The following FGF12 variants were observed in gnomAD, a reference collection of about 807,000 sequenced individuals.
The protein encoded by FGF12 is fibroblast growth factor 12B.
FGF12 carries 14 observed loss-of-function variants against 23.6 expected under a neutral mutation model. The observed-to-expected ratio is 0.59, with a 90% confidence interval of 0.39 to 0.93. FGF12 has a LOEUF of 0.93. FGF12 is among the 40% of genes least tolerant of loss of function. The pLI is 0.00. For synonymous variants in FGF12, 62 were observed against 77.3 expected (o/e 0.80, Z 1.04); for missense variants, 175 against 217.8 (o/e 0.80, Z 1.24).
chr3:192,348,691 C>T (rs572009803), intron 3 of FGF12, among the ~76,000 whole-genome samples: 11 of 152,108 alleles, frequency 7.2e-5, no homozygotes, highest in African/African-American at 2.2e-4. Context: ...AAGATAAATT[C>T]GAGATACAGT....
intron 2 of FGF12, among the ~76,000 whole-genome samples, chr3:192,721,176 A>G (rs1719028364): frequency 6.6e-6 from 1 of 152,218 alleles, no homozygotes; most frequent in Non-Finnish European, 1.5e-5. Flanking sequence ...CAGAGGACCA[A>G]TTTCTACCAT....
rs1321369587 is a variant in FGF12, at chr3:192,390,417, C to A, written c.14-29879G>T. ...AGGTGCTCTTGTAAGGAACTGGGAA[C>A]CTTTGCAAAGGTTTCTATAGGAAAG... is the stretch of plus-strand genomic sequence containing the variant. On this transcript the variant is annotated intron_variant, in intron 2 of 5. Transcript: ENST00000445105. 4.6e-5 allele frequency among the ~76,000 whole-genome samples: 7 copies of A among 152,106 alleles called. No homozygotes were observed. In the East Asian group the frequency reaches 9.6e-4, roughly 21 times the overall value.
chr3:192,144,254 C>T, intron 5 of FGF12, 127 bp from the exon 6 acceptor site: 1 of 605,958 alleles, frequency 1.7e-6, no homozygotes, highest in Non-Finnish European at 2.9e-6. Flanking sequence ...TATAAAAAAA[C>T]AGTTTTAACT....
intron 2 of FGF12, among the ~76,000 whole-genome samples, chr3:192,535,462 A>C (rs1208407194): frequency 6.6e-6 from 1 of 152,188 alleles, no homozygotes; most frequent in East Asian, 1.9e-4. Context: ...GACTGGAGGA[A>C]ATGGAATTAA....
chr3:192,603,267 T>TTCTA (rs1266247024), intron 2 of FGF12, among the ~76,000 whole-genome samples: 2 of 152,154 alleles, frequency 1.3e-5, no homozygotes, highest in African/African-American at 4.8e-5. Flanking sequence ...GACAGTATCA[T>TTCTA]TCTATGCCTA....
intron 2 of FGF12, among the ~76,000 whole-genome samples, chr3:192,483,881 C>T (rs1165113470): frequency 1.3e-5 from 2 of 152,084 alleles, no homozygotes; most frequent in Non-Finnish European, 2.9e-5. Context: ...ATAAAAATTG[C>T]TGTAAGGTTT....
chr3:192,497,914 C>T (rs555916414), intron 2 of FGF12, among the ~76,000 whole-genome samples: 49 of 152,292 alleles, frequency 3.2e-4, no homozygotes, highest in African/African-American at 1.2e-3. Context: ...TCAAAATCAA[C>T]ATTATTTGGC....
intron 2 of FGF12, among the ~76,000 whole-genome samples, chr3:192,690,033 C>A (rs184171490): frequency 1.3e-5 from 2 of 151,926 alleles, no homozygotes; most frequent in African/African-American, 4.8e-5. Context: ...AAACTGCCAG[C>A]CAAAAATACA....
At chr3:192,284,623 G>T (rs1489289820) in intron 4 of FGF12, among the ~76,000 whole-genome samples, 1 of 152,018 alleles carries the variant, frequency 6.6e-6, no homozygotes, top group East Asian at 1.9e-4. Flanking sequence ...CTTTTATCTA[G>T]CATTCCACAG....
At chr3:192,406,371 G>C (rs1720957627) in intron 2 of FGF12, among the ~76,000 whole-genome samples, 1 of 151,930 alleles carries the variant, frequency 6.6e-6, no homozygotes, top group Non-Finnish European at 1.5e-5. Flanking sequence ...CCCAACTAGA[G>C]TGCAAGCACG....
intron 2 of FGF12, among the ~76,000 whole-genome samples, chr3:192,461,671 T>C (rs563033126): frequency 1.3e-5 from 2 of 152,186 alleles, no homozygotes; most frequent in East Asian, 3.9e-4. Flanking sequence ...TAAGCAGAAG[T>C]GTGGGGAAGA....
At chr3:192,469,281 C>T (rs1723103041) in intron 2 of FGF12, among the ~76,000 whole-genome samples, 1 of 152,124 alleles carries the variant, frequency 6.6e-6, no homozygotes, top group African/African-American at 2.4e-5. Flanking sequence ...AAACAGAGTG[C>T]CTCTGTTTCT....
At chr3:192,300,385 G>C (rs1401632728) in intron 4 of FGF12, among the ~76,000 whole-genome samples, 1 of 152,138 alleles carries the variant, frequency 6.6e-6, no homozygotes, top group Non-Finnish European at 1.5e-5. Flanking sequence ...CAATGGGGCT[G>C]TCCAGATGGG....
At chr3:192,258,805 A>G (rs748455966) in intron 4 of FGF12, among the ~76,000 whole-genome samples, 6 of 152,192 alleles carry the variant, frequency 3.9e-5, no homozygotes, top group Non-Finnish European at 7.3e-5. Flanking sequence ...AAAGCAGTGA[A>G]CGACTTGTGA....
At chr3:192,538,104 G>A (rs1005031851) in intron 2 of FGF12, among the ~76,000 whole-genome samples, 1 of 151,724 alleles carries the variant, frequency 6.6e-6, no homozygotes, top group African/African-American at 2.4e-5. Flanking sequence ...GTGCCACTGT[G>A]CCCGGCTAAT....
chr3:192,595,574 A>C (rs1399005948), intron 2 of FGF12, among the ~76,000 whole-genome samples: 3 of 152,116 alleles, frequency 2.0e-5, no homozygotes, highest in Non-Finnish European at 4.4e-5. Flanking sequence ...GCTGGGCTAC[A>C]CCCCAGAGTA....
At chr3:192,703,301 A>G (rs922839860) in intron 2 of FGF12, among the ~76,000 whole-genome samples, 3 of 152,240 alleles carry the variant, frequency 2.0e-5, no homozygotes, top group African/African-American at 7.2e-5. Flanking sequence ...ACAGTCTATT[A>G]AGTGTATAAG....
intron 4 of FGF12, among the ~76,000 whole-genome samples, chr3:192,221,846 TA>T (rs1253494338): frequency 6.6e-6 from 1 of 152,102 alleles, no homozygotes; most frequent in Admixed American, 6.6e-5. Flanking sequence ...ATAACAAGTA[TA>T]AAATGATCAT....
intron 2 of FGF12, among the ~76,000 whole-genome samples, chr3:192,435,584 G>C (rs1311400851): frequency 3.9e-5 from 6 of 152,290 alleles, no homozygotes; most frequent in African/African-American, 1.4e-4. Flanking sequence ...TGTTCGGCCA[G>C]CAGGCTATAC....
Sources: gnomAD v4.1 joint callset for allele counts (sites outside exome capture counted in the v4.1 genomes callset) on GRCh38, gnomAD v4.1.1 for gene constraint, MANE v1.5 for transcripts, NCBI Gene and HGNC (gene_info 2026-07-23, HGNC 2026-07-21) for gene names.